The following BMPR2 variants were observed in gnomAD, a reference collection of about 807,000 sequenced individuals.
The protein encoded by BMPR2 is bone morphogenetic protein receptor type 2.
A neutral mutation model predicts 100.8 loss-of-function variants in BMPR2; 29 were observed. That is an observed-to-expected ratio of 0.29 (90% CI 0.21 to 0.39). The LOEUF is 0.39. Among genes scored for constraint, BMPR2 ranks in the 10% least tolerant of loss-of-function variants. The pLI is 1.00. For missense variants in BMPR2, 1,011 were observed against 1,274.5 expected (o/e 0.79, Z 3.15); for synonymous variants, 382 against 442.3 (o/e 0.86, Z 1.71).
intron 1 of BMPR2, among the ~76,000 whole-genome samples, chr2:202,425,942 G>A (rs1379219555): frequency 6.6e-6 from 1 of 152,050 alleles, no homozygotes; most frequent in Non-Finnish European, 1.5e-5. Flanking sequence ...AATCAAGTAA[G>A]AATTATCCAA....
At position 202,446,946 on chromosome 2, in the gene BMPR2, A is replaced by G. The variant is rs1466145828; in HGVS notation, c.77-17863A>G. Among the ~76,000 whole-genome samples the G allele has an allele frequency of 4.0e-5, 6 of 149,106 alleles. 1 individual carries two copies. Among genetic ancestry groups the G allele is most frequent in the Non-Finnish European group, 5.9e-5 (4 of 67,894 alleles). ...ATTACAGGTGTGAACCACTGCACCT[A>G]GCCATAAATTTTTAAAAATGCAGTT... On this transcript the variant is annotated intron_variant, in intron 1 of 12. Coordinates refer to ENST00000374580, the MANE Select transcript of BMPR2 (RefSeq NM_001204.7).
At chr2:202,473,750 C>T (rs1458986692) in intron 3 of BMPR2, among the ~76,000 whole-genome samples, 1 of 151,420 alleles carries the variant, frequency 6.6e-6, no homozygotes. Context: ...GAGATTGTGC[C>T]ATTGCACTCC....
At chr2:202,393,070 G>A (rs1574424563) in intron 1 of BMPR2, among the ~76,000 whole-genome samples, 3 of 151,802 alleles carry the variant, frequency 2.0e-5, no homozygotes, top group East Asian at 3.9e-4. Context: ...AAATGGCTCA[G>A]CATGTACCTA....
In BMPR2 at chr2:202,498,528, G is replaced by T. The variant is rs191428320; in HGVS notation, c.419-15191G>T. 6.4e-3 allele frequency among the ~76,000 whole-genome samples: 965 copies of T among 151,050 alleles called. 3 individuals carry two copies. The highest frequency in any genetic ancestry group is 9.5e-3 in the Non-Finnish European group (644 of 68,006). On this transcript the variant is annotated intron_variant, in intron 3 of 12. Transcript: ENST00000374580. ...AGGGGTTGTTTCTGCTGCTGCGTCG[G>T]TGAGCACAACTATTCCGATCAGCAG... is the stretch of plus-strand genomic sequence containing the variant.
At chr2:202,524,649 G>A (rs1437187270) in intron 7 of BMPR2, among the ~76,000 whole-genome samples, 7 of 150,988 alleles carry the variant, frequency 4.6e-5, no homozygotes, top group Non-Finnish European at 8.9e-5. Flanking sequence ...AGGGTAAGGT[G>A]AGAAGATTGT....
chr2:202,432,637 T>C (rs946498469), intron 1 of BMPR2, among the ~76,000 whole-genome samples: 1 of 150,720 alleles, frequency 6.6e-6, no homozygotes, highest in Non-Finnish European at 1.5e-5. Flanking sequence ...GCTCATTCTT[T>C]AATTATAGTT....
chr2:202,542,773 T>C (rs1359109923), intron 10 of BMPR2, among the ~76,000 whole-genome samples: 2 of 152,300 alleles, frequency 1.3e-5, no homozygotes, highest in East Asian at 3.9e-4. Flanking sequence ...CTCTTGAGAA[T>C]AGTACCAAAA....
chr2:202,505,931 A>G (rs1225731498), intron 3 of BMPR2, among the ~76,000 whole-genome samples: 1 of 152,164 alleles, frequency 6.6e-6, no homozygotes, highest in Non-Finnish European at 1.5e-5. Flanking sequence ...ATGGTTGCTA[A>G]TATTTGATGT....
At chr2:202,489,899 C>T (rs1692866489) in intron 3 of BMPR2, among the ~76,000 whole-genome samples, 1 of 152,248 alleles carries the variant, frequency 6.6e-6, no homozygotes, top group East Asian at 1.9e-4. Context: ...AGCAAGCCAC[C>T]CCTAAGCTCA....
Position 202,460,419 on chromosome 2 carries a change from A to G in BMPR2, c.77-4390A>G, listed in dbSNP as rs141105914. ...AAATTTTTTGGCATTTGACATTAGA[A>G]TATCCATGCTATGGAGAAAAAGAAA... On this transcript the variant is annotated intron_variant, in intron 1 of 12. Coordinates refer to ENST00000374580, the MANE Select transcript of BMPR2 (RefSeq NM_001204.7). Among the ~76,000 whole-genome samples the G allele has an allele frequency of 2.8e-3, 422 of 152,356 alleles. 1 individual carries two copies. The highest frequency in any genetic ancestry group is 9.2e-3 in the African/African-American group (383 of 41,586).
At chr2:202,480,830 C>CTA (rs1352331855) in intron 3 of BMPR2, among the ~76,000 whole-genome samples, 1 of 151,678 alleles carries the variant, frequency 6.6e-6, no homozygotes, top group Non-Finnish European at 1.5e-5. Flanking sequence ...TGGCATGTGC[C>CTA]TATAGTCCTA....
chr2:202,385,358 A>G (rs549795941), intron 1 of BMPR2, among the ~76,000 whole-genome samples: 32 of 115,604 alleles, frequency 2.8e-4, no homozygotes, highest in African/African-American at 1.0e-3. Context: ...TAAAAAAAAG[A>G]TGCTTTTTTT....
Position 202,552,853 on chromosome 2 carries a change from A to G in BMPR2, c.1551A>G (p.Thr517=). Residue 517 remains threonine (T), a synonymous_variant, in exon 11 of 13, where the codon ACA becomes ACG. Coordinates refer to ENST00000374580, the MANE Select transcript of BMPR2 (RefSeq NM_001204.7). The stretch of plus-strand genomic sequence containing the variant: ...AAAGAAACAAATCTGTGAGCCCAAC[A>G]GTCAATCCAATGTCTACTGCTATGC... The part of the protein sequence containing the change: ...IWERNKSVSP[T]VNPMSTAMQN... The G allele has an allele frequency of 6.2e-7, 1 of 1,614,234 alleles. No individual in the cohort carries two copies. The highest frequency in any genetic ancestry group is 8.5e-7 in the Non-Finnish European group (1 of 1,180,044).
chr2:202,549,737 ACT>A (rs1381364771), intron 10 of BMPR2, among the ~76,000 whole-genome samples: 1 of 136,230 alleles, frequency 7.3e-6, no homozygotes, highest in African/African-American at 2.7e-5. Context: ...ACAGAGCAAG[ACT>A]CTGTCTCAAA....
intron 6 of BMPR2, 61 bp from the exon 7 acceptor site, chr2:202,520,026 C>A: frequency 9.2e-7 from 1 of 1,085,764 alleles, no homozygotes; most frequent in Non-Finnish European, 1.4e-6. Flanking sequence ...CTAATTTACT[C>A]TTCATGTTAA....
At chr2:202,451,558 G>T (rs1183033592) in intron 1 of BMPR2, among the ~76,000 whole-genome samples, 1 of 152,018 alleles carries the variant, frequency 6.6e-6, no homozygotes, top group Non-Finnish European at 1.5e-5. Flanking sequence ...AATTAGCCGG[G>T]TGTGGTGGCA....
At chr2:202,386,827 C>T (rs959829024) in intron 1 of BMPR2, among the ~76,000 whole-genome samples, 8 of 151,992 alleles carry the variant, frequency 5.3e-5, no homozygotes, top group Non-Finnish European at 1.0e-4. Flanking sequence ...ATTACAGGCG[C>T]GTGCCACCAC....
chr2:202,459,689 A>G (rs2105955363), intron 1 of BMPR2, among the ~76,000 whole-genome samples: 1 of 152,342 alleles, frequency 6.6e-6, no homozygotes, highest in East Asian at 1.9e-4. Flanking sequence ...GGACATAGGA[A>G]CAGGCAAAGT....
chr2:202,400,985 A>G (rs139664650), intron 1 of BMPR2, among the ~76,000 whole-genome samples: 164 of 152,350 alleles, frequency 1.1e-3, no homozygotes, highest in African/African-American at 3.4e-3. Context: ...AAAAAATACA[A>G]TTACTTCAAA....
Sources: allele counts gnomAD v4.1 joint callset (sites outside exome capture counted in the v4.1 genomes callset), GRCh38; gene constraint gnomAD v4.1.1; transcripts MANE v1.5; gene names NCBI Gene and HGNC (gene_info 2026-07-23, HGNC 2026-07-21).